Variants in AKNAD1 observed in about 807,000 individuals in gnomAD.
The protein encoded by AKNAD1 is protein AKNAD1.
A neutral mutation model predicts 90.8 loss-of-function variants in AKNAD1; 67 were observed. The ratio of observed to expected loss-of-function variants is 0.74; its 90% confidence interval spans 0.61 to 0.90. AKNAD1 has a LOEUF of 0.90. Among genes scored for constraint, AKNAD1 ranks in the 40% least tolerant of loss-of-function variants. AKNAD1 has a pLI of 0.00. For synonymous variants in AKNAD1, 327 were observed against 341.4 expected, an observed-to-expected ratio of 0.96 and a Z score of 0.46; for missense variants, 957 against 975.4, an observed-to-expected ratio of 0.98 and a Z score of 0.25.
chr1:108,834,645 T>A, intron 8 of AKNAD1, 117 bp from the exon 9 acceptor site: 1 of 1,092,280 alleles, frequency 9.2e-7, no homozygotes, highest in Non-Finnish European at 1.3e-6. Context: ...GCGAGCAACC[T>A]AAGGCAGAGA....
chr1:108,855,852 T>A (rs1460445203), intron 1 of AKNAD1, among the ~76,000 whole-genome samples: 1 of 149,000 alleles, frequency 6.7e-6, no homozygotes, highest in Non-Finnish European at 1.5e-5. Context: ...TTGTCTAATT[T>A]TTTAGAACAA....
At position 108,849,536 on chromosome 1, in the gene AKNAD1, C is replaced by T. The variant is rs745586247; in HGVS notation, c.1033+1G>A. On this transcript the variant is annotated splice_donor_variant, in intron 3 of 15. Coordinates refer to ENST00000370001, the MANE Select transcript of AKNAD1 (RefSeq NM_152763.5). LOFTEE classifies it high-confidence loss of function. ...TCAAAGAAGTTTTAAAACATTAGTA[C>T]CTGTGAGAAGTTCTTGGTGGATATG... The T allele has an allele frequency of 2.3e-5, 36 of 1,571,210 alleles. No individual in the cohort carries two copies. In the Admixed American group the frequency reaches 5.5e-4, roughly 24 times the overall value.
chr1:108,849,142 T>C lies in AKNAD1; in HGVS notation c.1034-82A>G, dbSNP rs1664783439. 6 of 1,224,006 alleles carry C rather than the reference T, an allele frequency of 4.9e-6. No homozygotes were observed. In the South Asian group the frequency reaches 1.0e-4, roughly 21 times the overall value. 75.8% of individuals were successfully genotyped at this position (1,224,006 alleles called of 1,614,324 possible). Reference sequence around the variant, plus strand: ...TTAAGTACTGAAAACAGAAAGCTGTTGCAGTCACCACCACTTACTATTTTT... The same window carrying C: ...TTAAGTACTGAAAACAGAAAGCTGTCGCAGTCACCACCACTTACTATTTTT... On this transcript the variant is annotated intron_variant, in intron 3 of 15. Transcript: ENST00000370001.
intron 6 of AKNAD1, among the ~76,000 whole-genome samples, chr1:108,840,974 C>T (rs1664534246): frequency 6.6e-6 from 1 of 152,068 alleles, no homozygotes; most frequent in African/African-American, 2.4e-5. Flanking sequence ...AGTTCAAGAC[C>T]AGCCTGGCCA....
intron 1 of AKNAD1, among the ~76,000 whole-genome samples, chr1:108,856,185 GGAA>G (rs1665032569): frequency 6.6e-6 from 1 of 151,890 alleles, no homozygotes; most frequent in Admixed American, 6.6e-5. Flanking sequence ...CAGAGAGAAT[GGAA>G]GAAGAAGAAA....
intron 11 of AKNAD1, among the ~76,000 whole-genome samples, chr1:108,824,090 T>G (rs1003392288): frequency 2.6e-5 from 4 of 152,230 alleles, no homozygotes; most frequent in Non-Finnish European, 5.9e-5. Flanking sequence ...AGCTTGTATT[T>G]TGTCATCCAG....
chr1:108,851,417 T>G (rs1461276838), intron 2 of AKNAD1, among the ~76,000 whole-genome samples: 2 of 152,206 alleles, frequency 1.3e-5, no homozygotes, highest in African/African-American at 2.4e-5. Flanking sequence ...CAGCTAAGTT[T>G]AAGTGAGGAG....
intron 6 of AKNAD1, among the ~76,000 whole-genome samples, chr1:108,839,630 G>A (rs1429966735): frequency 1.3e-5 from 2 of 152,082 alleles, no homozygotes; most frequent in Non-Finnish European, 1.5e-5. Flanking sequence ...AACAACAAAA[G>A]CCCTAATTCT....
chr1:108,841,856 TG>T (rs1423782019), intron 6 of AKNAD1, among the ~76,000 whole-genome samples: 1 of 152,138 alleles, frequency 6.6e-6, no homozygotes, highest in Admixed American at 6.5e-5. Context: ...CTTGCCCCAG[TG>T]TTGAAAGCTT....
At chr1:108,855,915 C>T (rs866853315) in intron 1 of AKNAD1, among the ~76,000 whole-genome samples, 7 of 145,434 alleles carry the variant, frequency 4.8e-5, no homozygotes, top group African/African-American at 1.8e-4. Context: ...CTCACTCTAT[C>T]ACCCAGGCTG....
chr1:108,827,225 G>C lies in AKNAD1; in HGVS notation c.1916C>G (p.Pro639Arg). The C allele has an allele frequency of 1.2e-6, 2 of 1,611,150 alleles. No individual in the cohort carries two copies. The highest frequency in any genetic ancestry group is 2.7e-5 in the African/African-American group (2 of 74,874). Residue 639 changes from proline (P) to arginine (R), a missense_variant, in exon 11 of 16, where the codon CCA (proline) becomes CGA (arginine). By Grantham distance (103) the Pro-to-Arg change is moderately radical. Transcript: ENST00000370001. ...RFSIVLHEKAPHSDSTPNSDT... is the reference protein window; with the variant it reads ...RFSIVLHEKARHSDSTPNSDT... The stretch of plus-strand genomic sequence containing the variant: ...CTTACTGGGAGTTGAATCTGAGTGT[G>C]GTGCCTTTTCATGAAGGACAATTGA...
intron 11 of AKNAD1, among the ~76,000 whole-genome samples, chr1:108,826,814 A>T (rs1252358609): frequency 7.2e-6 from 1 of 138,536 alleles, no homozygotes; most frequent in Non-Finnish European, 1.5e-5. Context: ...ATCATGGCTC[A>T]CTGCAGCCTC....
intron 10 of AKNAD1, among the ~76,000 whole-genome samples, chr1:108,830,062 GA>G (rs1664137032): frequency 6.6e-6 from 1 of 152,256 alleles, no homozygotes; most frequent in East Asian, 1.9e-4. Flanking sequence ...TTGTTCCTGG[GA>G]CTGGGGGGCT....
In AKNAD1 at chr1:108,851,709, T is replaced by G; in HGVS notation, c.956A>C (p.Gln319Pro). ...SNCVEKQHQE[Q>P]KGKITEPSQQ... ...TGAAGGTTCAGTGATTTTCCCTTTCTGCTCTTGATGTTGTTTTTCAACACA... is the reference window on the plus strand; with the variant it reads ...TGAAGGTTCAGTGATTTTCCCTTTCGGCTCTTGATGTTGTTTTTCAACACA... The change falls in exon 2 of 16, where the codon CAG becomes CCG. Residue 319 changes from glutamine to proline, a missense_variant. Transcript: ENST00000370001. 1 of 1,600,922 alleles carries G rather than the reference T, an allele frequency of 6.2e-7. No individual in the cohort carries two copies.
At position 108,849,058 on chromosome 1, in the gene AKNAD1, T is replaced by C. The variant is rs1664780688; in HGVS notation, c.1036A>G (p.Ile346Val). 1 of 1,589,376 alleles carries C rather than the reference T, an allele frequency of 6.3e-7. No individual in the cohort carries two copies. Among genetic ancestry groups the C allele is most frequent in the South Asian group, 1.2e-5 (1 of 85,336 alleles). The change falls in exon 4 of 16, where the codon ATA (isoleucine) becomes GTA (valine). Residue 346 changes from isoleucine (I) to valine (V), a missense_variant and splice_region_variant. Coordinates refer to ENST00000370001, the MANE Select transcript of AKNAD1 (RefSeq NM_152763.5). ...VHIHQELLTG[I>V]ESEASLSKLS... ...TTAGAGAGACTTGCCTCAGATTCTA[T>C]TCCTATACAAGAAAGAACACATTTG...
intron 8 of AKNAD1, 73 bp from the exon 9 acceptor site, chr1:108,834,601 G>C: frequency 7.1e-7 from 1 of 1,406,742 alleles, no homozygotes. Flanking sequence ...TCCACTATTT[G>C]GAATCACTTG....
In AKNAD1 at chr1:108,834,526, TA is replaced by T; in HGVS notation, c.1666del (p.Tyr556ThrfsTer2). 1 of 1,505,344 alleles carries T rather than the reference TA, an allele frequency of 6.6e-7. No homozygotes were observed. 93.2% of individuals were successfully genotyped at this position (1,505,344 alleles called of 1,614,324 possible). A position where few individuals can be genotyped will look rare whatever the true frequency, so the allele number is the denominator to read the frequency against. On this transcript the variant is annotated frameshift_variant and splice_region_variant, in exon 9 of 16. Transcript: ENST00000370001. LOFTEE classifies it high-confidence loss of function. Reference sequence around the variant, plus strand: ...TGCATCTCCATAATGACCGTTTAGGTAACTAATTTAAAAAAAAAAAAAGCAG... The same window carrying T: ...TGCATCTCCATAATGACCGTTTAGGTACTAATTTAAAAAAAAAAAAAGCAG... ...EELCELAPQT[Y>X]LNGHYGDAAA... is the part of the protein sequence containing the mutation.
intron 6 of AKNAD1, 24 bp downstream of exon 6, chr1:108,843,110 T>C (rs1664599735): frequency 6.2e-7 from 1 of 1,612,946 alleles, no homozygotes; most frequent in South Asian, 1.1e-5. Context: ...CCCTTCCACC[T>C]TACACAGTTG....
chr1:108,852,813 T>G, intron 1 of AKNAD1, 46 bp from the exon 2 acceptor site: 1 of 639,452 alleles, frequency 1.6e-6, no homozygotes, highest in Non-Finnish European at 2.4e-6. Context: ...ATTGGAATAA[T>G]GTATACAACT....
Sources: gnomAD v4.1 joint callset for allele counts (sites outside exome capture counted in the v4.1 genomes callset) on GRCh38, gnomAD v4.1.1 for gene constraint, MANE v1.5 for transcripts, NCBI Gene and HGNC (gene_info 2026-07-23, HGNC 2026-07-21) for gene names.